Variants in CDK5RAP2 observed in about 807,000 individuals in gnomAD.
CDK5RAP2 encodes the protein CDK5 regulatory subunit-associated protein 2.
CDK5RAP2 carries 147 observed loss-of-function variants against 232.9 expected under a neutral mutation model. The ratio of observed to expected loss-of-function variants is 0.63; its 90% confidence interval spans 0.55 to 0.72. The LOEUF is 0.72. CDK5RAP2 is among the 30% of genes least tolerant of loss of function. The pLI, the probability that CDK5RAP2 is intolerant of heterozygous loss-of-function variation, is 0.00. For synonymous variants in CDK5RAP2, 833 were observed against 833.7 expected, an observed-to-expected ratio of 1.00 and a Z score of 0.01; for missense variants, 2,195 against 2,231.5, an observed-to-expected ratio of 0.98 and a Z score of 0.33.
chr9:120,507,655 G>C (rs1004864519), intron 12 of CDK5RAP2, among the ~76,000 whole-genome samples: 1 of 151,754 alleles, frequency 6.6e-6, no homozygotes, highest in Non-Finnish European at 1.5e-5. Context: ...AGAGCCCCCC[G>C]GGTGCATCTG....
intron 20 of CDK5RAP2, 40 bp downstream of exon 20, chr9:120,458,410 G>A: frequency 1.3e-6 from 2 of 1,598,114 alleles, no homozygotes; most frequent in Non-Finnish European, 1.7e-6. Flanking sequence ...TTCTCCCCTA[G>A]AACTAGAGAA....
At position 120,407,162 on chromosome 9, in the gene CDK5RAP2, G is replaced by A. The variant is rs763015658; in HGVS notation, c.4813C>T (p.Leu1605=). The part of the protein sequence containing the change: ...LMEIQALRLQ[L]ERSIETSSTL... ...CTGCTGGTTTCGATGCTCCTTTCTA[G>A]TTGCAAGCGCAGAGCCTGGATCTCC... The change falls in exon 32 of 38, where the codon CTA becomes TTA. Residue 1605 remains leucine (L), a synonymous_variant. Transcript: ENST00000349780. The A allele has an allele frequency of 3.7e-6, 6 of 1,613,890 alleles. No homozygotes were observed. The African/African-American group carries it at 6.7e-5, about 18-fold the overall frequency.
chr9:120,435,934 A>G lies in CDK5RAP2; in HGVS notation c.3955+1361T>C, dbSNP rs1462614338. ...TTAAAAAATGTTAGTGTTAGAAAAA[A>G]ACTGTCATAGGAACATTTGACTCAG... On this transcript the variant is annotated intron_variant, in intron 25 of 37. Transcript: ENST00000349780. Among the ~76,000 whole-genome samples the G allele has an allele frequency of 2.6e-5, 4 of 152,238 alleles. No individual in the cohort carries two copies. The East Asian group carries it at 7.7e-4, about 29-fold the overall frequency.
intron 22 of CDK5RAP2, among the ~76,000 whole-genome samples, chr9:120,447,318 C>A (rs1028630281): frequency 3.9e-5 from 6 of 152,166 alleles, no homozygotes; most frequent in African/African-American, 1.4e-4. Flanking sequence ...GCACCACTGT[C>A]CTAGACTAGA....
intron 3 of CDK5RAP2, among the ~76,000 whole-genome samples, chr9:120,555,881 A>G (rs2042210054): frequency 6.6e-6 from 1 of 152,272 alleles, no homozygotes; most frequent in Admixed American, 6.5e-5. Flanking sequence ...TATGAAACAC[A>G]CAACGTAAAT....
chr9:120,400,011 T>C (rs1020736288), intron 35 of CDK5RAP2, among the ~76,000 whole-genome samples: 30 of 152,238 alleles, frequency 2.0e-4, no homozygotes, highest in African/African-American at 7.0e-4. Flanking sequence ...GCCTTCCTAC[T>C]GGCCTTTGGC....
At chr9:120,522,882 G>A (rs2040732327) in intron 11 of CDK5RAP2, among the ~76,000 whole-genome samples, 1 of 152,190 alleles carries the variant, frequency 6.6e-6, no homozygotes, top group African/African-American at 2.4e-5. Context: ...ACAAGTATCT[G>A]TGCACCATTC....
chr9:120,568,999 G>T (rs1250192747), intron 2 of CDK5RAP2, among the ~76,000 whole-genome samples: 1 of 152,176 alleles, frequency 6.6e-6, no homozygotes, highest in Non-Finnish European at 1.5e-5. Context: ...TCTCTCCGCA[G>T]CATCTTTAAC....
chr9:120,572,860 T>G (rs2042903009), intron 1 of CDK5RAP2, among the ~76,000 whole-genome samples: 2 of 152,218 alleles, frequency 1.3e-5, no homozygotes, highest in Non-Finnish European at 2.9e-5. Context: ...CCTACAGTGC[T>G]TTACAATTTA....
intron 31 of CDK5RAP2, 47 bp from the exon 32 acceptor site, chr9:120,407,295 G>A (rs1401263573): frequency 1.4e-6 from 2 of 1,442,542 alleles, no homozygotes; most frequent in South Asian, 1.1e-5. Context: ...CACAACCAAA[G>A]GGTCAGCCAT....
intron 11 of CDK5RAP2, among the ~76,000 whole-genome samples, chr9:120,523,262 A>G (rs544352683): frequency 6.6e-6 from 1 of 152,370 alleles, no homozygotes; most frequent in Non-Finnish European, 1.5e-5. Context: ...ATTTAAATGT[A>G]TAAGATTCCT....
Position 120,470,086 on chromosome 9 carries a change from G to C in CDK5RAP2, c.1968+25C>G, listed in dbSNP as rs370753328. 1.1e-4 allele frequency: 121 copies of C among 1,116,206 alleles called. 3 individuals are homozygous for C. The highest frequency in any genetic ancestry group is 5.3e-4 in the East Asian group (22 of 41,684). The allele number at this position is 1,116,206 out of a possible 1,614,324, so 69.1% of individuals were successfully genotyped here. ...ACAATCTAACAAAAAGAAAAGAAAAGCACTAAAAATTAATAGGTCAATACC... is the reference window on the plus strand; with the variant it reads ...ACAATCTAACAAAAAGAAAAGAAAACCACTAAAAATTAATAGGTCAATACC... On this transcript the variant is annotated intron_variant, in intron 17 of 37. Transcript: ENST00000349780.
At chr9:120,429,548 A>G (rs1411584208) in intron 25 of CDK5RAP2, among the ~76,000 whole-genome samples, 1 of 152,234 alleles carries the variant, frequency 6.6e-6, no homozygotes, top group Admixed American at 6.5e-5. Context: ...AATTCAACTT[A>G]CAAGGGACGT....
Position 120,440,235 on chromosome 9 carries a change from C to T in CDK5RAP2, c.3149-263G>A. On this transcript the variant is annotated intron_variant, in intron 23 of 37. Coordinates refer to ENST00000349780, the MANE Select transcript of CDK5RAP2 (RefSeq NM_018249.6). ...TGACTGTTCTAAAAAGTAATTTTAA[C>T]CATGATAAACCCACACACACACCCC... is the stretch of plus-strand genomic sequence containing the variant. The T allele has an allele frequency of 7.6e-6, 4 of 529,704 alleles. No individual in the cohort carries two copies. In the South Asian group the frequency reaches 8.5e-5, roughly 11 times the overall value. 32.8% of individuals were successfully genotyped at this position (529,704 alleles called of 1,614,324 possible).
intron 21 of CDK5RAP2, among the ~76,000 whole-genome samples, chr9:120,450,298 G>T (rs905929365): frequency 6.6e-6 from 1 of 152,200 alleles, no homozygotes; most frequent in Non-Finnish European, 1.5e-5. Flanking sequence ...AAATAATCCA[G>T]AATAGGCAAA....
chr9:120,557,303 T>A (rs1034083194), intron 3 of CDK5RAP2, among the ~76,000 whole-genome samples: 1 of 152,190 alleles, frequency 6.6e-6, no homozygotes, highest in African/African-American at 2.4e-5. Context: ...CCACACACTC[T>A]CTACTTTATC....
chr9:120,482,611 C>T (rs2038385058), intron 14 of CDK5RAP2, among the ~76,000 whole-genome samples: 2 of 152,204 alleles, frequency 1.3e-5, no homozygotes, highest in African/African-American at 4.8e-5. Context: ...CCTCCAGCCC[C>T]CAGAGCTGGC....
At position 120,536,683 on chromosome 9, in the gene CDK5RAP2, C is replaced by T. The variant is rs12115543; in HGVS notation, c.508-157G>A. On this transcript the variant is annotated intron_variant, in intron 6 of 37. Coordinates refer to ENST00000349780, the MANE Select transcript of CDK5RAP2 (RefSeq NM_018249.6). The stretch of plus-strand genomic sequence containing the variant: ...ACATGGAGAGAATCAGTAATAAATA[C>T]ATTTGCCAGCCATTTTTCCCTCTTG... 3.8e-3 allele frequency: 2,928 copies of T among 779,182 alleles called. 66 individuals are homozygous for T. In the African/African-American group the frequency reaches 0.044, roughly 12 times the overall value. 48.3% of individuals were successfully genotyped at this position (779,182 alleles called of 1,614,324 possible).
intron 3 of CDK5RAP2, among the ~76,000 whole-genome samples, chr9:120,564,748 C>T (rs945879437): frequency 6.6e-6 from 1 of 152,132 alleles, no homozygotes; most frequent in Non-Finnish European, 1.5e-5. Context: ...AGATTAAACT[C>T]TTCCATATGT....
Sources: gnomAD v4.1 joint callset for allele counts (sites outside exome capture counted in the v4.1 genomes callset) on GRCh38, gnomAD v4.1.1 for gene constraint, MANE v1.5 for transcripts, NCBI Gene and HGNC (gene_info 2026-07-23, HGNC 2026-07-21) for gene names.